GUCY2C: variants seen among roughly 807,000 people sequenced by gnomAD.
GUCY2C encodes the protein guanylate cyclase 2C.
Under a neutral mutation model 131.1 loss-of-function variants are expected in GUCY2C, and 118 were observed. The ratio of observed to expected loss-of-function variants is 0.90; its 90% CI spans 0.78 to 1.05. The LOEUF (loss-of-function observed/expected upper bound fraction) is 1.05, where lower values mean the gene tolerates loss of function less well. Ranked by LOEUF, GUCY2C falls within the 50% of genes least tolerant of loss-of-function variation. GUCY2C has a pLI of 0.00. For missense variants in GUCY2C, 1,161 were observed against 1,304.4 expected (o/e 0.89, Z 1.69); for synonymous variants, 452 against 457.8 (o/e 0.99, Z 0.16).
chr12:14,625,852 A>G lies in GUCY2C; in HGVS notation c.2313T>C (p.Tyr771=). 1.9e-6 allele frequency: 3 copies of G among 1,613,828 alleles called. No individual in the cohort carries two copies. Among genetic ancestry groups the G allele is most frequent in the Non-Finnish European group, 1.7e-6 (2 of 1,179,730 alleles). Residue 771 remains tyrosine, a synonymous_variant, in exon 21 of 27, where the codon TAT becomes TAC. Coordinates refer to ENST00000261170, the MANE Select transcript of GUCY2C (RefSeq NM_004963.4). ...CTACCAGATGTTCCAGGTTTCGAGA[A>G]TATAGCTGTAGACGTCGGATCAAGG... The part of the protein sequence containing the change: ...MDTLIRRLQL[Y]SRNLEHLVEE...
At chr12:14,643,477 T>G in intron 17 of GUCY2C, 97 bp downstream of exon 17, 2 of 1,080,926 alleles carry the variant, frequency 1.9e-6, no homozygotes, top group Admixed American at 2.0e-5. Flanking sequence ...CTTTAAGTGC[T>G]TATCTTCTGA....
In GUCY2C at chr12:14,643,541, A is replaced by C; in HGVS notation, c.1930+33T>G. 1.9e-6 allele frequency: 3 copies of C among 1,607,712 alleles called. No homozygotes were observed. In the South Asian group the frequency reaches 3.3e-5, roughly 18 times the overall value. On this transcript the variant is annotated intron_variant, in intron 17 of 26. Transcript: ENST00000261170. ...CATGGGTTTGAAAAAAAAATCAGTT[A>C]GGAAACTAGTGAACATTTCATTCAT...
Position 14,679,712 on chromosome 12 carries a change from T to C in GUCY2C, c.775A>G (p.Lys259Glu). ...TCTTCAGCCACTGCTCGGTCACCCT[T>C]CAGCTTGTAGAGGAACTCTGGACCA... ...CGGPEFLYKL[K>E]GDRAVAEDIV... Residue 259 changes from lysine to glutamate, a missense_variant, in exon 6 of 27, where the codon AAG becomes GAG. Physicochemically the swap from Lys to Glu is moderately conservative, Grantham distance 56. Transcript: ENST00000261170. The C allele has an allele frequency of 6.2e-7, 1 of 1,601,626 alleles. No individual in the cohort carries two copies. Among genetic ancestry groups the C allele is most frequent in the Non-Finnish European group, 8.6e-7 (1 of 1,168,682 alleles).
chr12:14,640,781 TGTTAAGCA>T, intron 18 of GUCY2C, among the ~76,000 whole-genome samples: 1 of 152,352 alleles, frequency 6.6e-6, no homozygotes, highest in Middle Eastern at 3.4e-3. Context: ...CTAGTTTAGA[TGTTAAGCA>T]GGTACATTCT....
Position 14,655,492 on chromosome 12 carries a change from CA to C in GUCY2C, c.1470+1019del, listed in dbSNP as rs1038239705. The stretch of plus-strand genomic sequence containing the variant: ...GGGGATTGGAGCCATTAGAGGGCAG[CA>C]CACAGGACTTGGGGAGGAGGGTCAA... On this transcript the variant is annotated intron_variant, in intron 12 of 26. Transcript: ENST00000261170. 6.8e-4 allele frequency among the ~76,000 whole-genome samples: 104 copies of C among 152,232 alleles called. No homozygotes were observed. The East Asian group carries it at 0.017, about 25-fold the overall frequency.
intron 6 of GUCY2C, among the ~76,000 whole-genome samples, chr12:14,678,698 G>T (rs1420633): frequency 0.99 from 150,528 of 152,298 alleles, 74,405 homozygotes; most frequent in Middle Eastern, 1. Context: ...ATCTAGACAG[G>T]AGCAGCCTCT....
intron 10 of GUCY2C, among the ~76,000 whole-genome samples, chr12:14,663,955 T>C (rs1367721707): frequency 6.6e-6 from 1 of 152,218 alleles, no homozygotes; most frequent in Non-Finnish European, 1.5e-5. Flanking sequence ...ATGTCATATG[T>C]ATTTTAAAAC....
In GUCY2C at chr12:14,652,163, A is replaced by ATATTTATT. The variant is rs139251359; in HGVS notation, c.1534-141_1534-134dup. The ATATTTATT allele has an allele frequency of 0.83, 172,273 of 206,316 alleles. 78,111 individuals are homozygous for ATATTTATT. The highest frequency in any genetic ancestry group is 0.96 in the Non-Finnish European group (102,260 of 106,326). 12.8% of individuals were successfully genotyped at this position (206,316 alleles called of 1,614,324 possible). On this transcript the variant is annotated intron_variant, in intron 13 of 26. Coordinates refer to ENST00000261170, the MANE Select transcript of GUCY2C (RefSeq NM_004963.4). ...AGTGACAGTATTTGATTGATTTTTT[A>ATATTTATT]TATTTATTTATTTATTTATTTATTT...
At chr12:14,693,107 A>G (rs1948602569) in intron 1 of GUCY2C, among the ~76,000 whole-genome samples, 1 of 152,174 alleles carries the variant, frequency 6.6e-6, no homozygotes, top group African/African-American at 2.4e-5. Context: ...CATTTCCCCC[A>G]TGCTACTTTT....
At chr12:14,645,891 A>G (rs1285363940) in intron 15 of GUCY2C, among the ~76,000 whole-genome samples, 1 of 150,620 alleles carries the variant, frequency 6.6e-6, no homozygotes, top group African/African-American at 2.4e-5. Context: ...GCTGGCATGC[A>G]GTGGCACAAT....
chr12:14,636,817 G>A lies in GUCY2C; in HGVS notation c.2157+3045C>T, dbSNP rs113576001. ...TAAAATTAACATACAGGCTGGGTGC[G>A]GTGACTCACACCTGTAATCCTAGCA... On this transcript the variant is annotated intron_variant, in intron 19 of 26. Coordinates refer to ENST00000261170, the MANE Select transcript of GUCY2C (RefSeq NM_004963.4). 4.8e-3 allele frequency among the ~76,000 whole-genome samples: 728 copies of A among 152,098 alleles called. 7 individuals carry two copies. The highest frequency in any genetic ancestry group is 0.017 in the African/African-American group (688 of 41,494).
chr12:14,663,931 C>T (rs1264893728), intron 10 of GUCY2C, among the ~76,000 whole-genome samples: 1 of 152,156 alleles, frequency 6.6e-6, no homozygotes, highest in Non-Finnish European at 1.5e-5. Context: ...GACTCCTGTG[C>T]CATTAGGGGT....
intron 11 of GUCY2C, 85 bp downstream of exon 11, chr12:14,660,896 C>T: frequency 1.2e-6 from 1 of 836,656 alleles, no homozygotes; most frequent in Non-Finnish European, 2.1e-6. Flanking sequence ...GAATATTCAT[C>T]ATCATCAACA....
At chr12:14,627,862 A>G (rs1947056409) in intron 20 of GUCY2C, among the ~76,000 whole-genome samples, 1 of 152,218 alleles carries the variant, frequency 6.6e-6, no homozygotes, top group Non-Finnish European at 1.5e-5. Flanking sequence ...CACGTTCATT[A>G]ACTTCACTCC....
chr12:14,624,872 G>A (rs565608262), intron 21 of GUCY2C, among the ~76,000 whole-genome samples: 55 of 152,280 alleles, frequency 3.6e-4, no homozygotes, highest in African/African-American at 1.2e-3. Flanking sequence ...TAAAACCACC[G>A]CCAATGAAAC....
chr12:14,642,150 G>A (rs1008136067), intron 17 of GUCY2C, among the ~76,000 whole-genome samples: 2 of 152,074 alleles, frequency 1.3e-5, no homozygotes, highest in African/African-American at 2.4e-5. Context: ...GTTTTTGCTG[G>A]TTCCCACAGT....
chr12:14,630,489 A>G (rs1229588733), intron 19 of GUCY2C, among the ~76,000 whole-genome samples: 3 of 152,184 alleles, frequency 2.0e-5, no homozygotes, highest in African/African-American at 7.2e-5. Flanking sequence ...TTGAACATGT[A>G]CCGACCTTTT....
intron 1 of GUCY2C, among the ~76,000 whole-genome samples, chr12:14,692,950 G>A (rs565395107): frequency 1.3e-5 from 2 of 152,190 alleles, no homozygotes; most frequent in African/African-American, 2.4e-5. Flanking sequence ...TTACTTTTAT[G>A]TGTACTGCTT....
At chr12:14,616,308 G>A (rs1204047651) in intron 25 of GUCY2C, among the ~76,000 whole-genome samples, 1 of 152,132 alleles carries the variant, frequency 6.6e-6, no homozygotes, top group Non-Finnish European at 1.5e-5. Flanking sequence ...TAAGTGGGGG[G>A]ACAAGGGTTT....
Sources: gnomAD v4.1 joint callset for allele counts (sites outside exome capture counted in the v4.1 genomes callset) on GRCh38, gnomAD v4.1.1 for gene constraint, MANE v1.5 for transcripts, NCBI Gene and HGNC (gene_info 2026-07-23, HGNC 2026-07-21) for gene names.